The following IL1RAPL1 variants were observed in gnomAD, a reference collection of about 807,000 sequenced individuals.
The protein encoded by IL1RAPL1 is interleukin-1 receptor accessory protein-like 1.
In IL1RAPL1, 3 loss-of-function variants were observed where a neutral mutation model predicts 48.4. That is an observed-to-expected ratio of 0.06 (90% confidence interval 0.03 to 0.16). The LOEUF is 0.16. IL1RAPL1 is among the 10% of genes least tolerant of loss of function. IL1RAPL1 has a pLI of 1.00. For missense variants in IL1RAPL1, 349 were observed against 530.6 expected (o/e 0.66, Z 3.36); for synonymous variants, 185 against 187.7 (o/e 0.99, Z 0.12).
At chrX:28,814,113 C>T (rs950160141) in intron 2 of IL1RAPL1, among the ~76,000 whole-genome samples, 1 of 110,412 alleles carries the variant, frequency 9.1e-6, no homozygotes, top group Non-Finnish European at 1.9e-5. Flanking sequence ...TAATGAGTTA[C>T]GGTAATCTTT....
chrX:28,955,340 A>G (rs1924577656), intron 2 of IL1RAPL1, among the ~76,000 whole-genome samples: 1 of 110,873 alleles, frequency 9.0e-6, no homozygotes, highest in African/African-American at 3.3e-5. Flanking sequence ...TTTTGTGATA[A>G]TTTAGAGAGT....
chrX:29,140,733 T>G (rs1170244505), intron 2 of IL1RAPL1, among the ~76,000 whole-genome samples: 2 of 111,814 alleles, frequency 1.8e-5, no homozygotes, highest in African/African-American at 3.2e-5. Context: ...AGATTCAGTG[T>G]GTGGTGAGGG....
chrX:29,640,957 G>A (rs1925145691), intron 5 of IL1RAPL1, among the ~76,000 whole-genome samples: 1 of 110,583 alleles, frequency 9.0e-6, no homozygotes, highest in Non-Finnish European at 1.9e-5. Flanking sequence ...TTGAGCACAG[G>A]ATTTTGAGAT....
chrX:28,949,103 G>A (rs780461372), intron 2 of IL1RAPL1, among the ~76,000 whole-genome samples: 1 of 109,977 alleles, frequency 9.1e-6, no homozygotes, highest in East Asian at 2.9e-4. Flanking sequence ...TTATTAACTA[G>A]TAGAGTGCTT....
At chrX:28,705,360 C>G (rs1451621847) in intron 1 of IL1RAPL1, among the ~76,000 whole-genome samples, 1 of 111,708 alleles carries the variant, frequency 9.0e-6, no homozygotes, top group Admixed American at 9.5e-5. Flanking sequence ...GTGTAGTCAA[C>G]CTTAAAAACA....
intron 2 of IL1RAPL1, among the ~76,000 whole-genome samples, chrX:28,949,938 G>GT (rs1383254581): frequency 9.1e-6 from 1 of 110,355 alleles, no homozygotes; most frequent in Non-Finnish European, 1.9e-5. Flanking sequence ...AAGCTCTTTA[G>GT]TTTAATTAGA....
intron 6 of IL1RAPL1, among the ~76,000 whole-genome samples, chrX:29,802,605 C>CT (rs1382506330): frequency 3.6e-4 from 37 of 103,312 alleles, no homozygotes; most frequent in Non-Finnish European, 6.3e-4. Context: ...AGTTTCTATA[C>CT]TTTTATTGTA....
At chrX:28,658,803 C>T (rs762488026) in intron 1 of IL1RAPL1, among the ~76,000 whole-genome samples, 10 of 111,017 alleles carry the variant, frequency 9.0e-5, no homozygotes, top group Admixed American at 2.9e-4. Flanking sequence ...AAAGTTGAAC[C>T]GCTGAAACTT....
intron 2 of IL1RAPL1, among the ~76,000 whole-genome samples, chrX:29,007,543 T>C (rs2147392387): frequency 8.9e-6 from 1 of 111,962 alleles, no homozygotes; most frequent in East Asian, 2.8e-4. Flanking sequence ...CTGGATAACA[T>C]TGATAAAACC....
intron 6 of IL1RAPL1, among the ~76,000 whole-genome samples, chrX:29,869,770 T>C (rs1458077454): frequency 1.8e-5 from 2 of 110,630 alleles, no homozygotes; most frequent in Non-Finnish European, 3.8e-5. Flanking sequence ...GTGGCCCTCT[T>C]TGGCATAGTC....
At chrX:29,545,053 T>G (rs776262041) in intron 5 of IL1RAPL1, among the ~76,000 whole-genome samples, 2 of 110,045 alleles carry the variant, frequency 1.8e-5, no homozygotes, top group Non-Finnish European at 3.8e-5. Context: ...GAGAGAGGCC[T>G]TAGAGGAAAC....
chrX:29,119,267 A>G (rs182560063), intron 2 of IL1RAPL1, among the ~76,000 whole-genome samples: 1 of 111,412 alleles, frequency 9.0e-6, no homozygotes, highest in Admixed American at 9.6e-5. Context: ...TCTATATTCT[A>G]TAATTCTCCA....
intron 3 of IL1RAPL1, among the ~76,000 whole-genome samples, chrX:29,376,195 A>C (rs1933619645): frequency 9.0e-6 from 1 of 111,504 alleles, no homozygotes. Flanking sequence ...TTCTTGATGA[A>C]GGTGTTTATC....
At chrX:29,641,851 G>T (rs1340769920) in intron 5 of IL1RAPL1, among the ~76,000 whole-genome samples, 3 of 111,939 alleles carry the variant, frequency 2.7e-5, no homozygotes, top group Admixed American at 9.5e-5. Context: ...AAAATCCAGG[G>T]TCTCATGGAG....
chrX:28,957,344 T>C (rs1359295111), intron 2 of IL1RAPL1, among the ~76,000 whole-genome samples: 1 of 112,083 alleles, frequency 8.9e-6, no homozygotes, highest in African/African-American at 3.2e-5. Flanking sequence ...GACAATTTCA[T>C]ATATTTTATT....
chrX:29,803,633 G>GTA (rs1195777466), intron 6 of IL1RAPL1, among the ~76,000 whole-genome samples: 32 of 102,245 alleles, frequency 3.1e-4, no homozygotes, highest in African/African-American at 7.1e-4. Context: ...GTATATATGT[G>GTA]TATATATATA....
chrX:29,070,576 G>A (rs1927545762), intron 2 of IL1RAPL1, among the ~76,000 whole-genome samples: 1 of 111,331 alleles, frequency 9.0e-6, no homozygotes, highest in Non-Finnish European at 1.9e-5. Flanking sequence ...CCAGTGCCAT[G>A]TTTTCCCACA....
chrX:29,264,695 G>GA (rs1161615673), intron 2 of IL1RAPL1, among the ~76,000 whole-genome samples: 1 of 109,751 alleles, frequency 9.1e-6, no homozygotes, highest in Non-Finnish European at 1.9e-5. Flanking sequence ...AAATTGAATT[G>GA]AAAAAATATA....
intron 2 of IL1RAPL1, among the ~76,000 whole-genome samples, chrX:29,137,402 A>T (rs1328509369): frequency 9.0e-6 from 1 of 111,651 alleles, no homozygotes; most frequent in Non-Finnish European, 1.9e-5. Context: ...GTAAGGGATA[A>T]TTTTTTTGTG....
Sources: allele counts gnomAD v4.1 joint callset (sites outside exome capture counted in the v4.1 genomes callset), GRCh38; gene constraint gnomAD v4.1.1; transcripts MANE v1.5; gene names NCBI Gene and HGNC (gene_info 2026-07-23, HGNC 2026-07-21).